WSB2: variants seen among roughly 807,000 people sequenced by gnomAD.
WSB2 encodes WD repeat and SOCS box containing 2.
Under a neutral mutation model 48.8 loss-of-function variants are expected in WSB2, and 12 were observed. The ratio of observed to expected loss-of-function variants is 0.25; its 90% CI spans 0.16 to 0.40. WSB2 has a LOEUF of 0.40. WSB2 is among the 10% of genes least tolerant of loss of function. The probability of loss-of-function intolerance (pLI) is 1.00; values close to 1 mark genes in which losing one functional copy is unlikely to be tolerated. For synonymous variants in WSB2, 191 were observed against 203.1 expected, an observed-to-expected ratio of 0.94 and a Z score of 0.51; for missense variants, 317 against 506.2, an observed-to-expected ratio of 0.63 and a Z score of 3.59.
rs74855911 is a variant in WSB2, at chr12:118,058,512, G to A, written c.13+2524C>T. Among the ~76,000 whole-genome samples, 1,241 of 151,514 alleles carry A rather than the reference G, an allele frequency of 8.2e-3. 19 individuals are homozygous for A. The highest frequency in any genetic ancestry group is 0.028 in the African/African-American group (1,138 of 41,320). ...TACAGGCACATTCTACCATGCACGC[G>A]CCTATAGTTCGGTATTTTTTGCAGA... is the stretch of plus-strand genomic sequence containing the variant. On this transcript the variant is annotated intron_variant, in intron 1 of 8. Transcript: ENST00000315436.
At chr12:118,043,582 C>T (rs985050056) in intron 2 of WSB2, among the ~76,000 whole-genome samples, 4 of 152,118 alleles carry the variant, frequency 2.6e-5, no homozygotes, top group African/African-American at 4.8e-5. Flanking sequence ...GTAGCTAGGA[C>T]GACAGGCATG....
chr12:118,051,023 G>A (rs2031842147), intron 2 of WSB2, among the ~76,000 whole-genome samples: 1 of 151,690 alleles, frequency 6.6e-6, no homozygotes, highest in Admixed American at 6.6e-5. Context: ...CTGTACTCCA[G>A]CCTGAACAAC....
chr12:118,061,979 G>A (rs556592808), upstream of WSB2: 53 of 939,222 alleles, frequency 5.6e-5, no homozygotes, highest in African/African-American at 8.5e-4. Flanking sequence ...ATGGGAGAGG[G>A]AAGTGAGGAG....
intron 1 of WSB2, among the ~76,000 whole-genome samples, chr12:118,055,191 A>G (rs2031933089): frequency 6.6e-6 from 1 of 152,132 alleles, no homozygotes; most frequent in African/African-American, 2.4e-5. Flanking sequence ...AGGGTTCTCA[A>G]CTGGGGGCTA....
chr12:118,041,689 C>T (rs1392359153), intron 4 of WSB2, among the ~76,000 whole-genome samples: 2 of 151,944 alleles, frequency 1.3e-5, no homozygotes, highest in African/African-American at 4.8e-5. Context: ...CCCTGAGCCC[C>T]ATCCAGGGCT....
chr12:118,045,872 C>T (rs181357119), intron 2 of WSB2, among the ~76,000 whole-genome samples: 8 of 152,132 alleles, frequency 5.3e-5, no homozygotes, highest in African/African-American at 1.7e-4. Context: ...CTCCCACCCC[C>T]GGTAACCACC....
intron 2 of WSB2, among the ~76,000 whole-genome samples, chr12:118,047,425 T>C (rs2031766676): frequency 6.6e-6 from 1 of 152,244 alleles, no homozygotes; most frequent in Non-Finnish European, 1.5e-5. Flanking sequence ...TTCTAAAAAC[T>C]TTATTTCAAA....
chr12:118,046,103 A>G (rs897155569), intron 2 of WSB2, among the ~76,000 whole-genome samples: 7 of 152,342 alleles, frequency 4.6e-5, no homozygotes, highest in African/African-American at 1.7e-4. Context: ...CTGCTTTCAC[A>G]CTGTGACAGC....
chr12:118,057,217 T>C (rs1432904639), intron 1 of WSB2, among the ~76,000 whole-genome samples: 2 of 151,964 alleles, frequency 1.3e-5, no homozygotes, highest in East Asian at 3.9e-4. Context: ...TAGCTTCAAC[T>C]GGTATGGTAC....
intron 4 of WSB2, among the ~76,000 whole-genome samples, chr12:118,039,513 A>G (rs970185875): frequency 2.0e-5 from 3 of 152,148 alleles, no homozygotes; most frequent in East Asian, 1.9e-4. Context: ...AGGATTATAC[A>G]AGTAGACAGA....
chr12:118,050,419 C>T (rs148041083), intron 2 of WSB2, among the ~76,000 whole-genome samples: 2,249 of 152,050 alleles, frequency 0.015, 43 homozygotes, highest in African/African-American at 0.046. Flanking sequence ...GAGGCTGAGG[C>T]GGGAGGATTT....
chr12:118,035,376 C>T (rs2031487774), intron 6 of WSB2, 52 bp from the exon 7 acceptor site: 1 of 1,519,758 alleles, frequency 6.6e-7, no homozygotes, highest in Non-Finnish European at 9.1e-7. Context: ...CTGCTCTCCA[C>T]CCTCCATCAT....
Position 118,060,863 on chromosome 12 carries a change from C to G in WSB2, c.13+173G>C, listed in dbSNP as rs1372251146. 4.6e-5 allele frequency among the ~76,000 whole-genome samples: 7 copies of G among 151,178 alleles called. No individual in the cohort carries two copies. Among genetic ancestry groups the G allele is most frequent in the Non-Finnish European group, 1.0e-4 (7 of 67,538 alleles). On this transcript the variant is annotated intron_variant, in intron 1 of 8. Coordinates refer to ENST00000315436, the MANE Select transcript of WSB2 (RefSeq NM_018639.5). The surrounding 1 kb of genome is among the most constrained non-coding windows in gnomAD (Gnocchi z 4.1). Reference sequence around the variant, plus strand: ...ACAACGAAAGTGAAACAAAGCTGGTCGCCGGGCGCGCACCCCCGCCGGCCC... The same window carrying G: ...ACAACGAAAGTGAAACAAAGCTGGTGGCCGGGCGCGCACCCCCGCCGGCCC...
At chr12:118,044,712 G>A (rs938643586) in intron 2 of WSB2, among the ~76,000 whole-genome samples, 1 of 152,096 alleles carries the variant, frequency 6.6e-6, no homozygotes, top group Non-Finnish European at 1.5e-5. Context: ...CCACCACTGC[G>A]CCCAGGAAAC....
At chr12:118,046,198 C>T (rs1394989612) in intron 2 of WSB2, among the ~76,000 whole-genome samples, 1 of 152,136 alleles carries the variant, frequency 6.6e-6, no homozygotes, top group East Asian at 1.9e-4. Flanking sequence ...CCATGGCTCA[C>T]GCCTGTAATC....
chr12:118,044,020 G>A (rs1455194816), intron 2 of WSB2, among the ~76,000 whole-genome samples: 3 of 151,634 alleles, frequency 2.0e-5, no homozygotes, highest in Non-Finnish European at 2.9e-5. Context: ...TTAGGAGGCT[G>A]AGGCAGGAGA....
intron 1 of WSB2, among the ~76,000 whole-genome samples, chr12:118,056,818 T>C (rs1204421749): frequency 3.3e-5 from 5 of 152,036 alleles, no homozygotes; most frequent in African/African-American, 1.2e-4. Flanking sequence ...GGAGAATCAC[T>C]TGAACCCGGG....
At chr12:118,047,720 C>T (rs1333386148) in intron 2 of WSB2, among the ~76,000 whole-genome samples, 1 of 151,650 alleles carries the variant, frequency 6.6e-6, no homozygotes, top group African/African-American at 2.4e-5. Flanking sequence ...CTCTGCCCCC[C>T]AAAAAGCCCG....
At chr12:118,034,818 TG>T in intron 8 of WSB2, 167 bp downstream of exon 8, 1 of 635,718 alleles carries the variant, frequency 1.6e-6, no homozygotes, top group Non-Finnish European at 2.7e-6. Flanking sequence ...TCAGAGAAAA[TG>T]GGACACCGTT....
Sources: gnomAD v4.1 joint callset for allele counts (sites outside exome capture counted in the v4.1 genomes callset) on GRCh38, gnomAD v4.1.1 for gene constraint, Gnocchi (gnomAD v3.1) non-coding constraint, MANE v1.5 for transcripts, NCBI Gene and HGNC (gene_info 2026-07-23, HGNC 2026-07-21) for gene names.